LRRTM4: variants seen among roughly 807,000 people sequenced by gnomAD.
The protein encoded by LRRTM4 is leucine rich repeat transmembrane neuronal 4, also known as leucine-rich repeat transmembrane neuronal protein 4.
In LRRTM4, 25 loss-of-function variants were observed where a neutral mutation model predicts 47.6. The observed-to-expected ratio is 0.53, with a 90% confidence interval of 0.38 to 0.73. The LOEUF is 0.73. Among genes scored for constraint, LRRTM4 ranks in the 30% least tolerant of loss-of-function variants. The probability of loss-of-function intolerance (pLI) is 0.00; values close to 1 mark genes in which losing one functional copy is unlikely to be tolerated. For synonymous variants in LRRTM4, 311 were observed against 269.5 expected (o/e 1.15, Z -1.51); for missense variants, 638 against 713.4 (o/e 0.89, Z 1.20).
intron 3 of LRRTM4, among the ~76,000 whole-genome samples, chr2:77,083,676 A>T (rs577322039): frequency 6.8e-6 from 1 of 148,046 alleles, no homozygotes; most frequent in Non-Finnish European, 1.5e-5. Context: ...AAGATCAATT[A>T]TTCTAATGCT....
chr2:77,039,353 T>A, intron 3 of LRRTM4, among the ~76,000 whole-genome samples: 1 of 150,050 alleles, frequency 6.7e-6, no homozygotes, highest in Non-Finnish European at 1.5e-5. Context: ...TGAAGGCAAA[T>A]CAGATGATAA....
At chr2:77,497,147 G>T (rs1922825) in intron 3 of LRRTM4, among the ~76,000 whole-genome samples, 121,653 of 151,562 alleles carry the variant, frequency 0.8, 49,298 homozygotes, top group East Asian at 0.98. Flanking sequence ...TGATCTTACC[G>T]CTCTTATTTC....
chr2:77,466,455 G>A (rs1676985486), intron 3 of LRRTM4, among the ~76,000 whole-genome samples: 1 of 152,184 alleles, frequency 6.6e-6, no homozygotes, highest in African/African-American at 2.4e-5. Flanking sequence ...AGTGAAGGTA[G>A]CTGATGCAGT....
chr2:76,904,491 T>C (rs904362188), intron 3 of LRRTM4, among the ~76,000 whole-genome samples: 1 of 152,228 alleles, frequency 6.6e-6, no homozygotes, highest in Non-Finnish European at 1.5e-5. Context: ...GGAAAATATT[T>C]TGTGTTCCTT....
chr2:77,387,185 T>C (rs1673312094), intron 3 of LRRTM4, among the ~76,000 whole-genome samples: 1 of 152,164 alleles, frequency 6.6e-6, no homozygotes, highest in Admixed American at 6.6e-5. Flanking sequence ...TGCCATGAAA[T>C]ATCATAGGCA....
At chr2:76,762,299 G>C (rs1407656216) in intron 3 of LRRTM4, among the ~76,000 whole-genome samples, 1 of 152,080 alleles carries the variant, frequency 6.6e-6, no homozygotes, top group Non-Finnish European at 1.5e-5. Context: ...GCTGTACTTT[G>C]TTATTTTTCC....
intron 3 of LRRTM4, among the ~76,000 whole-genome samples, chr2:77,306,105 C>CA (rs1423411938): frequency 6.6e-6 from 1 of 152,054 alleles, no homozygotes; most frequent in Non-Finnish European, 1.5e-5. Flanking sequence ...TTTGGGTATA[C>CA]ATAATTAGGT....
intron 3 of LRRTM4, among the ~76,000 whole-genome samples, chr2:77,390,794 T>C (rs1157864481): frequency 6.6e-6 from 1 of 151,798 alleles, no homozygotes; most frequent in Non-Finnish European, 1.5e-5. Context: ...AGTTGGTACT[T>C]TTATTTTCAC....
intron 3 of LRRTM4, among the ~76,000 whole-genome samples, chr2:77,220,739 T>C (rs547334244): frequency 6.6e-6 from 1 of 152,336 alleles, no homozygotes; most frequent in South Asian, 2.1e-4. Flanking sequence ...TTGCTGTACC[T>C]GAAAGTGATG....
At chr2:76,839,281 A>G (rs1269531810) in intron 3 of LRRTM4, among the ~76,000 whole-genome samples, 1 of 152,156 alleles carries the variant, frequency 6.6e-6, no homozygotes, top group African/African-American at 2.4e-5. Context: ...GGAAGCTCTG[A>G]AAGCACCAAC....
chr2:77,154,096 A>C (rs1672496843), intron 3 of LRRTM4, among the ~76,000 whole-genome samples: 1 of 152,242 alleles, frequency 6.6e-6, no homozygotes, highest in African/African-American at 2.4e-5. Context: ...TTTGTGGGAC[A>C]GTGCAAAGTG....
intron 3 of LRRTM4, among the ~76,000 whole-genome samples, chr2:76,904,344 G>T (rs768893454): frequency 3.3e-4 from 50 of 152,304 alleles, no homozygotes; most frequent in Non-Finnish European, 5.0e-4. Context: ...TTGATTCAGA[G>T]ATTGTTATTC....
At chr2:76,884,545 C>G (rs930010872) in intron 3 of LRRTM4, among the ~76,000 whole-genome samples, 4 of 151,656 alleles carry the variant, frequency 2.6e-5, no homozygotes, top group African/African-American at 9.7e-5. Context: ...ATTGTTAGGC[C>G]AAAGAAATAG....
At chr2:76,903,329 G>A (rs532936724) in intron 3 of LRRTM4, among the ~76,000 whole-genome samples, 3 of 152,310 alleles carry the variant, frequency 2.0e-5, no homozygotes, top group Non-Finnish European at 2.9e-5. Flanking sequence ...GAGGTCAGGA[G>A]ATTGAGACCA....
intron 3 of LRRTM4, among the ~76,000 whole-genome samples, chr2:77,464,980 T>C (rs1463621595): frequency 8.5e-5 from 13 of 152,150 alleles, no homozygotes; most frequent in Admixed American, 7.9e-4. Flanking sequence ...CCATTAATAT[T>C]TTAGGGTCAA....
intron 3 of LRRTM4, among the ~76,000 whole-genome samples, chr2:77,301,940 C>G (rs1677142804): frequency 6.6e-6 from 1 of 152,006 alleles, no homozygotes; most frequent in Admixed American, 6.6e-5. Context: ...CCTAGCAACA[C>G]TCGAAAATAT....
chr2:77,414,363 A>G (rs1674557905), intron 3 of LRRTM4, among the ~76,000 whole-genome samples: 3 of 152,170 alleles, frequency 2.0e-5, no homozygotes, highest in Non-Finnish European at 4.4e-5. Context: ...ATACTACAAA[A>G]AAAGAGCGAA....
chr2:76,981,125 CTTG>C (rs1420347583), intron 3 of LRRTM4, among the ~76,000 whole-genome samples: 1 of 152,064 alleles, frequency 6.6e-6, no homozygotes, highest in Non-Finnish European at 1.5e-5. Context: ...AATCATTTAT[CTTG>C]TTGTTACACT....
chr2:77,432,976 T>G (rs984113340), intron 3 of LRRTM4, among the ~76,000 whole-genome samples: 1 of 152,218 alleles, frequency 6.6e-6, no homozygotes, highest in Non-Finnish European at 1.5e-5. Context: ...TGGAGATGTT[T>G]ACATCTTCTG....
Sources: gnomAD v4.1 joint callset for allele counts (sites outside exome capture counted in the v4.1 genomes callset) on GRCh38, gnomAD v4.1.1 for gene constraint, MANE v1.5 for transcripts, NCBI Gene and HGNC (gene_info 2026-07-23, HGNC 2026-07-21) for gene names.